CHCHD6: variants seen among roughly 807,000 people sequenced by gnomAD.
The protein encoded by CHCHD6 is coiled-coil-helix-coiled-coil-helix domain containing 6.
A neutral mutation model predicts 32.3 loss-of-function variants in CHCHD6; 28 were observed. The observed-to-expected ratio is 0.87, with a 90% confidence interval of 0.64 to 1.19. The LOEUF is 1.19. Ranked by LOEUF, CHCHD6 falls within the 50% of genes most tolerant of loss-of-function variation. The pLI, the probability that CHCHD6 is intolerant of heterozygous loss-of-function variation, is 0.00. For synonymous variants in CHCHD6, 122 were observed against 117.5 expected (o/e 1.04, Z -0.25); for missense variants, 333 against 307.0 (o/e 1.08, Z -0.63).
At chr3:126,827,625 T>G (rs1940452916) in intron 4 of CHCHD6, among the ~76,000 whole-genome samples, 1 of 152,192 alleles carries the variant, frequency 6.6e-6, no homozygotes, top group African/African-American at 2.4e-5. Flanking sequence ...GGAGAACCTG[T>G]GAAGTCTTCT....
At chr3:126,856,284 T>C (rs1251285670) in intron 5 of CHCHD6, among the ~76,000 whole-genome samples, 2 of 152,194 alleles carry the variant, frequency 1.3e-5, no homozygotes. Flanking sequence ...AGGGCCTCAA[T>C]GCCCTGTACA....
intron 7 of CHCHD6, chr3:126,957,887 C>T: frequency 2.4e-6 from 1 of 413,668 alleles, no homozygotes; most frequent in Non-Finnish European, 4.6e-6. Context: ...TAGCCCTCGG[C>T]ACTTAGGGGT....
chr3:126,794,956 G>A (rs186004285), intron 4 of CHCHD6, among the ~76,000 whole-genome samples: 15 of 152,200 alleles, frequency 9.9e-5, no homozygotes, highest in African/African-American at 2.4e-4. Flanking sequence ...CCACATCAAC[G>A]GATAGATTTG....
At chr3:126,945,833 G>T (rs909348370) in intron 6 of CHCHD6, among the ~76,000 whole-genome samples, 1 of 151,674 alleles carries the variant, frequency 6.6e-6, no homozygotes, top group Non-Finnish European at 1.5e-5. Flanking sequence ...TAAACTTGGG[G>T]AGACTTGAGG....
chr3:126,892,936 CT>C (rs1224248539), intron 5 of CHCHD6, among the ~76,000 whole-genome samples: 1 of 151,606 alleles, frequency 6.6e-6, no homozygotes, highest in African/African-American at 2.4e-5. Context: ...TTTTGTTTTT[CT>C]TTTTTTGTTG....
intron 5 of CHCHD6, among the ~76,000 whole-genome samples, chr3:126,906,920 G>A (rs1337801016): frequency 6.6e-6 from 1 of 152,186 alleles, no homozygotes; most frequent in Non-Finnish European, 1.5e-5. Context: ...AGCAGACGCT[G>A]GAACAAAGAA....
At chr3:126,850,444 C>A (rs1941432747) in intron 4 of CHCHD6, among the ~76,000 whole-genome samples, 1 of 152,246 alleles carries the variant, frequency 6.6e-6, no homozygotes, top group South Asian at 2.1e-4. Flanking sequence ...CTTCACCCAA[C>A]ACTTTAGTCC....
rs767930713 is a variant in CHCHD6 at position 126,914,703 on chromosome 3, T to A, written c.519T>A (p.Ser173=). Residue 173 remains serine, a synonymous_variant, in exon 6 of 8, where the codon TCT becomes TCA. Transcript: ENST00000290913. ...AGAATGCTGAGATGTATAAACTGTC[T>A]TCAGAGCAATTCCATGAGGCAGCCT... The part of the protein sequence containing the change: ...ERKNAEMYKL[S]SEQFHEAASK... The A allele has an allele frequency of 1.9e-6, 3 of 1,595,206 alleles. No individual in the cohort carries two copies. In the African/African-American group the frequency reaches 4.0e-5, roughly 21 times the overall value.
At chr3:126,889,152 C>T (rs749289334) in intron 5 of CHCHD6, among the ~76,000 whole-genome samples, 1 of 152,072 alleles carries the variant, frequency 6.6e-6, no homozygotes, top group Non-Finnish European at 1.5e-5. Flanking sequence ...TCGGGGTGGA[C>T]TAGAAGGCCT....
intron 5 of CHCHD6, among the ~76,000 whole-genome samples, chr3:126,911,604 A>G (rs1251344423): frequency 6.6e-6 from 1 of 152,244 alleles, no homozygotes; most frequent in Admixed American, 6.5e-5. Context: ...ATTCTGAGAA[A>G]CAATAGAGGA....
intron 5 of CHCHD6, among the ~76,000 whole-genome samples, chr3:126,905,166 TA>T (rs1386583721): frequency 2.0e-5 from 3 of 152,166 alleles, no homozygotes; most frequent in African/African-American, 7.2e-5. Flanking sequence ...GGCCAAGCAT[TA>T]AGCCATCAAG....
chr3:126,911,842 A>G (rs1472303044), intron 5 of CHCHD6, among the ~76,000 whole-genome samples: 1 of 152,224 alleles, frequency 6.6e-6, no homozygotes, highest in Non-Finnish European at 1.5e-5. Flanking sequence ...CTCTCTGAGA[A>G]GGTTGGCAAC....
At chr3:126,835,250 C>T (rs1940807482) in intron 4 of CHCHD6, among the ~76,000 whole-genome samples, 1 of 152,158 alleles carries the variant, frequency 6.6e-6, no homozygotes, top group South Asian at 2.1e-4. Context: ...GTGCCAACAG[C>T]AGAGGCAGGA....
intron 4 of CHCHD6, among the ~76,000 whole-genome samples, chr3:126,779,068 G>C (rs1175463888): frequency 1.3e-5 from 2 of 151,658 alleles, no homozygotes; most frequent in Non-Finnish European, 2.9e-5. Flanking sequence ...AAATTTTGAT[G>C]AAGTCCAGTT....
chr3:126,723,551 A>G (rs530782325), intron 1 of CHCHD6, among the ~76,000 whole-genome samples: 2 of 152,334 alleles, frequency 1.3e-5, no homozygotes, highest in African/African-American at 4.8e-5. Context: ...GATGTGCAAA[A>G]AATTCTATGA....
At chr3:126,937,733 C>G (rs1320750906) in intron 6 of CHCHD6, among the ~76,000 whole-genome samples, 1 of 152,148 alleles carries the variant, frequency 6.6e-6, no homozygotes, top group East Asian at 1.9e-4. Flanking sequence ...CTGGGTGGCT[C>G]TGTAGGCTTT....
chr3:126,873,938 A>C (rs1266075783), intron 5 of CHCHD6, among the ~76,000 whole-genome samples: 1 of 152,200 alleles, frequency 6.6e-6, no homozygotes, highest in Non-Finnish European at 1.5e-5. Flanking sequence ...CTGGCTTCAC[A>C]TCTCTACCCT....
At chr3:126,715,748 T>G (rs1934980042) in intron 1 of CHCHD6, among the ~76,000 whole-genome samples, 1 of 152,128 alleles carries the variant, frequency 6.6e-6, no homozygotes, top group Non-Finnish European at 1.5e-5. Flanking sequence ...CCCTGTTACT[T>G]TAGGAGTTTT....
intron 5 of CHCHD6, among the ~76,000 whole-genome samples, chr3:126,899,168 G>A (rs1431711286): frequency 6.6e-6 from 1 of 152,200 alleles, no homozygotes; most frequent in Non-Finnish European, 1.5e-5. Context: ...ACTGTTCTGG[G>A]TCAGGTGGCT....
Sources: allele counts gnomAD v4.1 joint callset (sites outside exome capture counted in the v4.1 genomes callset), GRCh38; gene constraint gnomAD v4.1.1; transcripts MANE v1.5; gene names NCBI Gene and HGNC (gene_info 2026-07-23, HGNC 2026-07-21).